The following SLC9A4 variants were observed in gnomAD, a reference collection of about 807,000 sequenced individuals.
SLC9A4 encodes the protein solute carrier family 9 member A4.
SLC9A4 carries 63 observed loss-of-function variants against 67.4 expected under a neutral mutation model. The observed-to-expected ratio is 0.93, with a 90% CI of 0.76 to 1.15. The LOEUF (loss-of-function observed/expected upper bound fraction) is 1.15, where lower values mean the gene tolerates loss of function less well. Among genes scored for constraint, SLC9A4 ranks in the 50% most tolerant of loss-of-function variants. The pLI, the probability that SLC9A4 is intolerant of heterozygous loss-of-function variation, is 0.00. For missense variants in SLC9A4, 1,089 were observed against 987.7 expected (o/e 1.10, Z -1.38); for synonymous variants, 393 against 367.2 (o/e 1.07, Z -0.80).
chr2:102,513,337 A>G (rs1685205273), intron 7 of SLC9A4, among the ~76,000 whole-genome samples: 1 of 152,206 alleles, frequency 6.6e-6, no homozygotes, highest in Non-Finnish European at 1.5e-5. Context: ...CCGGAAAGCT[A>G]TGTGCCCCTC....
At chr2:102,524,738 G>A (rs1251431254) in intron 9 of SLC9A4, among the ~76,000 whole-genome samples, 2 of 152,202 alleles carry the variant, frequency 1.3e-5, no homozygotes, top group African/African-American at 4.8e-5. Flanking sequence ...GTGTATGTAA[G>A]GGGCAGGCCA....
At chr2:102,490,790 G>A (rs1164359818) in intron 2 of SLC9A4, among the ~76,000 whole-genome samples, 3 of 152,166 alleles carry the variant, frequency 2.0e-5, no homozygotes, top group African/African-American at 7.2e-5. Flanking sequence ...ATTATGCTGT[G>A]TAATAAGCAT....
At chr2:102,504,441 A>G (rs1180799475) in intron 3 of SLC9A4, among the ~76,000 whole-genome samples, 1 of 152,260 alleles carries the variant, frequency 6.6e-6, no homozygotes, top group African/African-American at 2.4e-5. Flanking sequence ...TGATGAAACT[A>G]GACAGATGGG....
chr2:102,483,832 A>G (rs1684524304), intron 2 of SLC9A4, among the ~76,000 whole-genome samples: 1 of 143,482 alleles, frequency 7.0e-6, no homozygotes, highest in Non-Finnish European at 1.5e-5. Context: ...ATATATATAT[A>G]TATATATATA....
intron 2 of SLC9A4, among the ~76,000 whole-genome samples, chr2:102,481,732 A>G (rs1523199): frequency 0.77 from 117,502 of 152,004 alleles, 46,620 homozygotes; most frequent in African/African-American, 0.93. Context: ...TTACCCTATA[A>G]AAGTTCTAAA....
intron 1 of SLC9A4, among the ~76,000 whole-genome samples, chr2:102,477,732 G>C (rs765644046): frequency 2.0e-5 from 3 of 152,120 alleles, no homozygotes; most frequent in African/African-American, 7.2e-5. Context: ...CAGTGACAAC[G>C]GAATGAGAAG....
intron 9 of SLC9A4, among the ~76,000 whole-genome samples, chr2:102,520,804 A>C (rs1573354360): frequency 1.3e-5 from 2 of 152,234 alleles, no homozygotes; most frequent in Non-Finnish European, 2.9e-5. Context: ...GTTCAAGGTT[A>C]CAAAACAAAT....
Position 102,508,999 on chromosome 2 carries a change from T to C in SLC9A4, c.1488+66T>C, listed in dbSNP as rs897549208. 3.8e-6 allele frequency: 5 copies of C among 1,304,272 alleles called. No homozygotes were observed. The African/African-American group carries it at 4.4e-5, about 12-fold the overall frequency. 80.8% of individuals were successfully genotyped at this position (1,304,272 alleles called of 1,614,324 possible). A position where few individuals can be genotyped will look rare whatever the true frequency, so the allele number is the denominator to read the frequency against. On this transcript the variant is annotated intron_variant, in intron 6 of 11. Transcript: ENST00000295269. ...ATTTCCCCTTTGTCACCATGAGACA[T>C]GTGCACGTGTCACTAGACTTCCTCT...
In SLC9A4 at chr2:102,532,350, G is replaced by A; in HGVS notation, c.2059G>A (p.Gly687Arg). The A allele has an allele frequency of 6.2e-7, 1 of 1,613,288 alleles. No homozygotes were observed. The highest frequency in any genetic ancestry group is 8.5e-7 in the Non-Finnish European group (1 of 1,179,510). ...CCTAGATGATGACAGCAGTGATCCA[G>A]GATCCCCATCCATCACGTTCAGCGC... The part of the protein sequence containing the change: ...GFSDDDSSDP[G>R]SPSITFSACS... The change falls in exon 12 of 12, where the codon GGA (glycine) becomes AGA (arginine). Residue 687 changes from glycine to arginine, a missense_variant. By Grantham distance (125) the Gly-to-Arg change is moderately radical. Coordinates refer to ENST00000295269, the MANE Select transcript of SLC9A4 (RefSeq NM_001011552.4).
At chr2:102,497,879 T>TG (rs1684843940) in intron 2 of SLC9A4, among the ~76,000 whole-genome samples, 1 of 152,234 alleles carries the variant, frequency 6.6e-6, no homozygotes. Context: ...TCTTCATCTC[T>TG]GCTGAGCCCT....
chr2:102,522,754 T>C (rs916229541), intron 9 of SLC9A4, among the ~76,000 whole-genome samples: 2 of 152,222 alleles, frequency 1.3e-5, no homozygotes, highest in Non-Finnish European at 2.9e-5. Flanking sequence ...AATATTTCAA[T>C]GTATAAAATG....
intron 2 of SLC9A4, among the ~76,000 whole-genome samples, chr2:102,491,317 C>CTTTTTTTTTTTTTTTTTTTTTT (rs61708027): frequency 4.4e-5 from 2 of 45,740 alleles, no homozygotes; most frequent in Non-Finnish European, 8.2e-5. Flanking sequence ...TGTACTAATG[C>CTTTTTTTTTTTTTTTTTTTTTT]TTTTTTTTTT....
At chr2:102,520,068 G>T in intron 9 of SLC9A4, 113 bp downstream of exon 9, 2 of 757,676 alleles carry the variant, frequency 2.6e-6, no homozygotes, top group South Asian at 2.1e-5. Flanking sequence ...TCTGTAAGGT[G>T]GTAACTTGCT....
intron 8 of SLC9A4, among the ~76,000 whole-genome samples, chr2:102,516,045 G>A (rs542371842): frequency 2.6e-5 from 4 of 152,284 alleles, no homozygotes; most frequent in African/African-American, 9.6e-5. Context: ...GGAAGGTATG[G>A]GTGCTTATCT....
chr2:102,477,380 T>C (rs1378314160), intron 1 of SLC9A4, among the ~76,000 whole-genome samples: 1 of 152,192 alleles, frequency 6.6e-6, no homozygotes, highest in Non-Finnish European at 1.5e-5. Flanking sequence ...CTGTTCAATC[T>C]CTTGTCATGA....
intron 2 of SLC9A4, 118 bp from the exon 3 acceptor site, chr2:102,503,330 T>G (rs1037942271): frequency 8.8e-5 from 83 of 946,204 alleles, no homozygotes; most frequent in Non-Finnish European, 1.3e-4. Flanking sequence ...TTAGTATTTT[T>G]TGTTGTGTAA....
At chr2:102,518,247 T>G (rs1252736364) in intron 8 of SLC9A4, among the ~76,000 whole-genome samples, 2 of 152,190 alleles carry the variant, frequency 1.3e-5, no homozygotes, top group African/African-American at 4.8e-5. Flanking sequence ...TACTGCTATA[T>G]CAAGTGTAAC....
intron 2 of SLC9A4, among the ~76,000 whole-genome samples, chr2:102,490,976 G>A (rs1370703811): frequency 6.6e-6 from 1 of 152,138 alleles, no homozygotes; most frequent in Non-Finnish European, 1.5e-5. Flanking sequence ...AGAGATTTCT[G>A]GAGGGTCTCA....
chr2:102,502,337 G>C (rs1414368000), intron 2 of SLC9A4, among the ~76,000 whole-genome samples: 1 of 152,172 alleles, frequency 6.6e-6, no homozygotes, highest in Non-Finnish European at 1.5e-5. Context: ...TGAAAATTCA[G>C]AGTGTGTGTC....
Sources: allele counts gnomAD v4.1 joint callset (sites outside exome capture counted in the v4.1 genomes callset), GRCh38; gene constraint gnomAD v4.1.1; transcripts MANE v1.5; gene names NCBI Gene and HGNC (gene_info 2026-07-23, HGNC 2026-07-21).